The following RAB15 variants were observed in gnomAD, a reference collection of about 807,000 sequenced individuals.
RAB15 encodes the protein RAB15, member RAS oncogene family.
RAB15 carries 13 observed loss-of-function variants against 31.8 expected under a neutral mutation model. The observed-to-expected ratio is 0.41, with a 90% CI of 0.27 to 0.65. The LOEUF (loss-of-function observed/expected upper bound fraction) is 0.65, where lower values mean the gene tolerates loss of function less well. RAB15 is among the 30% of genes least tolerant of loss of function. RAB15 has a pLI of 0.32. For missense variants in RAB15, 220 were observed against 277.3 expected (o/e 0.79, Z 1.47); for synonymous variants, 100 against 105.6 (o/e 0.95, Z 0.33).
At chr14:64,964,751 A>G (rs1299398588) in intron 1 of RAB15, among the ~76,000 whole-genome samples, 2 of 151,504 alleles carry the variant, frequency 1.3e-5, no homozygotes, top group South Asian at 4.2e-4. Context: ...AATTTTTTGT[A>G]TTTTTAGTAG....
intron 1 of RAB15, among the ~76,000 whole-genome samples, chr14:64,969,334 C>T (rs1887307671): frequency 6.6e-6 from 1 of 152,160 alleles, no homozygotes; most frequent in Non-Finnish European, 1.5e-5. Flanking sequence ...CTTCTACCTC[C>T]TTGAGAAACT....
At chr14:64,964,518 CAAA>C (rs1257040368) in intron 1 of RAB15, among the ~76,000 whole-genome samples, 1 of 71,920 alleles carries the variant, frequency 1.4e-5, no homozygotes, top group Non-Finnish European at 2.7e-5. Context: ...GACTCTGTTT[CAAA>C]AAAAAAAAAG....
rs1486804566 is a variant in RAB15 at position 64,947,604 on chromosome 14, C to T, written c.*750G>A. The T allele has an allele frequency of 6.5e-6, 1 of 152,716 alleles. No homozygotes were observed. Among genetic ancestry groups the T allele is most frequent in the Non-Finnish European group, 1.5e-5 (1 of 68,104 alleles). The allele number at this position is 152,716 out of a possible 1,614,324, so 9.5% of individuals were successfully genotyped here. A position where few individuals can be genotyped will look rare whatever the true frequency, so the allele number is the denominator to read the frequency against. ...CGGGCAGCCAAGCAAGGGCAAAGCT[C>T]TGGTCGGGGAATGGGTAGAGGTAGG... On this transcript the variant is annotated 3_prime_UTR_variant, in exon 7 of 7. Transcript: ENST00000533601. This position sits in a 1 kb window ranked among gnomAD's most constrained non-coding sequence, Gnocchi z 5.6.
intron 1 of RAB15, among the ~76,000 whole-genome samples, chr14:64,967,514 T>TCGAG (rs1386816695): frequency 1.3e-5 from 2 of 151,534 alleles, no homozygotes; most frequent in African/African-American, 4.8e-5. Flanking sequence ...GTTTAGGAGA[T>TCGAG]CGAGGCTGCA....
chr14:64,957,211 A>G (rs1886624330), intron 1 of RAB15, among the ~76,000 whole-genome samples: 1 of 151,946 alleles, frequency 6.6e-6, no homozygotes, highest in South Asian at 2.1e-4. Context: ...TGCTGGGATT[A>G]TAGGCATGAG....
At position 64,948,216 on chromosome 14, in the gene RAB15, C is replaced by T; in HGVS notation, c.*138G>A. The T allele has an allele frequency of 3.3e-6, 3 of 896,896 alleles. No individual in the cohort carries two copies. The highest frequency in any genetic ancestry group is 4.8e-6 in the Non-Finnish European group (3 of 630,466). The allele number at this position is 896,896 out of a possible 1,614,324, so 55.6% of individuals were successfully genotyped here. ...CAGCAGAGCCGCTCTCAGGGCCAGG[C>T]AGGGGGAGTAGTGGCTACTGATACT... On this transcript the variant is annotated 3_prime_UTR_variant, in exon 7 of 7. Transcript: ENST00000533601. This position sits in a 1 kb window ranked among gnomAD's most constrained non-coding sequence, Gnocchi z 7.0.
chr14:64,952,483 A>G lies in RAB15; in HGVS notation c.185+28T>C, dbSNP rs1275506912. 3.8e-6 allele frequency: 6 copies of G among 1,583,134 alleles called. No homozygotes were observed. In the African/African-American group the frequency reaches 5.4e-5, roughly 14 times the overall value. ...GCAGCCAGAAGTCCTCTTCTCCTAC[A>G]TCTGCCTCCTCCTCCTCCCCAGCTC... On this transcript the variant is annotated intron_variant, in intron 2 of 6. Transcript: ENST00000533601. The surrounding 1 kb of genome is among the most constrained non-coding windows in gnomAD (Gnocchi z 4.2).
At chr14:64,959,334 G>A (rs1886735524) in intron 1 of RAB15, among the ~76,000 whole-genome samples, 1 of 152,106 alleles carries the variant, frequency 6.6e-6, no homozygotes, top group Admixed American at 6.5e-5. Context: ...CCAAGCTAGT[G>A]AGCCAGATGC....
At position 64,972,130 on chromosome 14, in the gene RAB15, T is replaced by A. The variant is rs1213940892; in HGVS notation, c.-54A>T. On this transcript the variant is annotated 5_prime_UTR_variant, in exon 1 of 7. Transcript: ENST00000533601. The surrounding 1 kb of genome is among the most constrained non-coding windows in gnomAD (Gnocchi z 6.3). ...GGGCGGGCAGCGGGCTCAGCCCTGC[T>A]CCGCCGCTGCCATCGCGGCCCGCGC... 2.6e-5 allele frequency: 34 copies of A among 1,287,168 alleles called. No homozygotes were observed. Among genetic ancestry groups the A allele is most frequent in the Non-Finnish European group, 3.2e-5 (32 of 1,014,056 alleles). The allele number at this position is 1,287,168 out of a possible 1,614,324, so 79.7% of individuals were successfully genotyped here.
intron 1 of RAB15, among the ~76,000 whole-genome samples, chr14:64,956,743 A>C (rs1303719096): frequency 6.7e-6 from 1 of 149,146 alleles, no homozygotes; most frequent in African/African-American, 2.5e-5. Flanking sequence ...ACTGAATCAT[A>C]ATTTGAGGGT....
chr14:64,952,168 C>T lies in RAB15; in HGVS notation c.185+343G>A, dbSNP rs1301041844. ...CCTGAGGAACTCTCTCAGGGTCTCGCCCTAAATGATGGGGGGTGTAGCCTC... is the reference window on the plus strand; with the variant it reads ...CCTGAGGAACTCTCTCAGGGTCTCGTCCTAAATGATGGGGGGTGTAGCCTC... On this transcript the variant is annotated intron_variant, in intron 2 of 6. Transcript: ENST00000533601. This position sits in a 1 kb window ranked among gnomAD's most constrained non-coding sequence, Gnocchi z 4.2. Among the ~76,000 whole-genome samples, 1 of 152,154 alleles carries T rather than the reference C, an allele frequency of 6.6e-6. No individual in the cohort carries two copies. The highest frequency in any genetic ancestry group is 1.9e-4 in the East Asian group (1 of 5,188).
chr14:64,948,039 C>T lies in RAB15; in HGVS notation c.*315G>A. 1 of 311,176 alleles carries T rather than the reference C, an allele frequency of 3.2e-6. No individual in the cohort carries two copies. The highest frequency in any genetic ancestry group is 5.9e-6 in the Non-Finnish European group (1 of 170,068). 19.3% of individuals were successfully genotyped at this position (311,176 alleles called of 1,614,324 possible). A position where few individuals can be genotyped will look rare whatever the true frequency, so the allele number is the denominator to read the frequency against. On this transcript the variant is annotated 3_prime_UTR_variant, in exon 7 of 7. Coordinates refer to ENST00000533601, the MANE Select transcript of RAB15 (RefSeq NM_001308154.2). This position sits in a 1 kb window ranked among gnomAD's most constrained non-coding sequence, Gnocchi z 7.0. Reference sequence around the variant, plus strand: ...AAGGAGCAGCTGAAAGTGGCCTGGACTCCAGCCCTGGCTGTTGTCTGGTGG... The same window carrying T: ...AAGGAGCAGCTGAAAGTGGCCTGGATTCCAGCCCTGGCTGTTGTCTGGTGG...
At chr14:64,969,750 A>T (rs539761438) in intron 1 of RAB15, among the ~76,000 whole-genome samples, 9 of 152,350 alleles carry the variant, frequency 5.9e-5, no homozygotes, top group African/African-American at 1.9e-4. Flanking sequence ...TGATTCACCT[A>T]TGTGCCCAAA....
chr14:64,971,952 C>T lies in RAB15; in HGVS notation c.124+1G>A. The T allele has an allele frequency of 6.4e-7, 1 of 1,571,114 alleles. No homozygotes were observed. The highest frequency in any genetic ancestry group is 8.6e-7 in the Non-Finnish European group (1 of 1,158,788). On this transcript the variant is annotated splice_donor_variant, in intron 1 of 6. Transcript: ENST00000533601. LOFTEE classifies it high-confidence loss of function. The surrounding 1 kb of genome is among the most constrained non-coding windows in gnomAD (Gnocchi z 4.1). ...GGGCGCCCCGGGCCACCGCCCCTTA[C>T]CGATGGTGGAGATGTGCGAGGAGTG...
At position 64,963,059 on chromosome 14, in the gene RAB15, C is replaced by T. The variant is rs533958061; in HGVS notation, c.124+8894G>A. Among the ~76,000 whole-genome samples, 147 of 147,778 alleles carry T rather than the reference C, an allele frequency of 9.9e-4. 1 individual carries two copies. Among genetic ancestry groups the T allele is most frequent in the Non-Finnish European group, 1.7e-3 (114 of 66,914 alleles). Reference sequence around the variant, plus strand: ...ACCGTCCCTGTGTAGGTAGTAGGTACATAGTAAGTATATGGAGTAGATAAT... The same window carrying T: ...ACCGTCCCTGTGTAGGTAGTAGGTATATAGTAAGTATATGGAGTAGATAAT... On this transcript the variant is annotated intron_variant, in intron 1 of 6. Transcript: ENST00000533601.
At position 64,951,988 on chromosome 14, in the gene RAB15, ACACCCCTAGTCCCTAT is replaced by A. The variant is rs1264874193; in HGVS notation, c.186-341_186-326del. ...ATGGGAGTTGGCAGGGGATGCTGCT[ACACCCCTAGTCCCTAT>A]GGGACCTCTGAAGGCAGTGCCCATA... is the stretch of plus-strand genomic sequence containing the variant. On this transcript the variant is annotated intron_variant, in intron 2 of 6. Coordinates refer to ENST00000533601, the MANE Select transcript of RAB15 (RefSeq NM_001308154.2). This position sits in a 1 kb window ranked among gnomAD's most constrained non-coding sequence, Gnocchi z 7.2. Among the ~76,000 whole-genome samples, 35 of 152,232 alleles carry A rather than the reference ACACCCCTAGTCCCTAT, an allele frequency of 2.3e-4. No homozygotes were observed. The highest frequency in any genetic ancestry group is 7.9e-4 in the African/African-American group (33 of 41,556).
At position 64,970,157 on chromosome 14, in the gene RAB15, G is replaced by A. The variant is rs577179955; in HGVS notation, c.124+1796C>T. Among the ~76,000 whole-genome samples the A allele has an allele frequency of 6.6e-6, 1 of 152,282 alleles. No individual in the cohort carries two copies. The highest frequency in any genetic ancestry group is 1.9e-4 in the East Asian group (1 of 5,180). On this transcript the variant is annotated intron_variant, in intron 1 of 6. Transcript: ENST00000533601. The surrounding 1 kb of genome is among the most constrained non-coding windows in gnomAD (Gnocchi z 4.1). ...TCAGGCCAAAGCCAGGGCCTCCCAG[G>A]CAGCCCACAGCTCTCTGGAGATAGC...
Position 64,955,887 on chromosome 14 carries a change from C to G in RAB15, c.125-3316G>C, listed in dbSNP as rs1181619885. Among the ~76,000 whole-genome samples, 2 of 152,200 alleles carry G rather than the reference C, an allele frequency of 1.3e-5. No individual in the cohort carries two copies. The highest frequency in any genetic ancestry group is 2.9e-5 in the Non-Finnish European group (2 of 68,036). On this transcript the variant is annotated intron_variant, in intron 1 of 6. Coordinates refer to ENST00000533601, the MANE Select transcript of RAB15 (RefSeq NM_001308154.2). This position sits in a 1 kb window ranked among gnomAD's most constrained non-coding sequence, Gnocchi z 4.4. ...CCTCCAGTGGTTTCACATTCCGGCT[C>G]CTCTAAGGTCATATTTCTCAAACTT...
Position 64,962,892 on chromosome 14 carries a change from GCACTTA to G in RAB15, c.124+9055_124+9060del, listed in dbSNP as rs1207054583. On this transcript the variant is annotated intron_variant, in intron 1 of 6. Coordinates refer to ENST00000533601, the MANE Select transcript of RAB15 (RefSeq NM_001308154.2). This position sits in a 1 kb window ranked among gnomAD's most constrained non-coding sequence, Gnocchi z 4.2. The stretch of plus-strand genomic sequence containing the variant: ...CCTGGAACATAGTCAGCATTCAATA[GCACTTA>G]CACTTGTCTGGAGGCGTGAACCTGA... 6.6e-6 allele frequency among the ~76,000 whole-genome samples: 1 copy of G among 152,126 alleles called. No individual in the cohort carries two copies. The highest frequency in any genetic ancestry group is 6.6e-5 in the Admixed American group (1 of 15,266).
Sources: gnomAD v4.1 joint callset for allele counts (sites outside exome capture counted in the v4.1 genomes callset) on GRCh38, gnomAD v4.1.1 for gene constraint, Gnocchi (gnomAD v3.1) non-coding constraint, MANE v1.5 for transcripts, NCBI Gene and HGNC (gene_info 2026-07-23, HGNC 2026-07-21) for gene names.